Variants in ZNF544 observed in about 807,000 individuals in gnomAD.
ZNF544 encodes the protein zinc finger protein AF020591.
A neutral mutation model predicts 13.5 loss-of-function variants in ZNF544; 10 were observed. The ratio of observed to expected loss-of-function variants is 0.74; its 90% CI spans 0.46 to 1.25. The LOEUF (loss-of-function observed/expected upper bound fraction) is 1.25. Among genes scored for constraint, ZNF544 ranks in the 50% most tolerant of loss-of-function variants. The pLI, the probability that ZNF544 is intolerant of heterozygous loss-of-function variation, is 0.00. For missense variants in ZNF544, 896 were observed against 845.6 expected (o/e 1.06, Z -0.74); for synonymous variants, 323 against 300.5 (o/e 1.07, Z -0.77).
At chr19:58,274,650 T>A (rs1288033674) in intron 5 of ZNF544, among the ~76,000 whole-genome samples, 1 of 152,220 alleles carries the variant, frequency 6.6e-6, no homozygotes, top group Non-Finnish European at 1.5e-5. Flanking sequence ...ATACAACATA[T>A]TTTTTAAAAA....
chr19:58,276,419 C>A, exon 6 of ZNF544: 1 of 1,231,224 alleles, frequency 8.1e-7, no homozygotes, highest in Non-Finnish European at 1.0e-6. Flanking sequence ...CAGCAGCTGC[C>A]ACTTGCTCAG....
At chr19:58,246,656 A>G (rs542400342) in intron 5 of ZNF544, 55 bp from the exon 6 acceptor site, 5 of 1,590,714 alleles carry the variant, frequency 3.1e-6, no homozygotes, top group Non-Finnish European at 4.3e-6. Flanking sequence ...TGGACCCAGG[A>G]CATGGTTCTT....
At chr19:58,230,330 CT>C (rs1003023758) in intron 2 of ZNF544, 63 bp from the exon 3 acceptor site, 33 of 152,204 alleles carry the variant, frequency 2.2e-4, no homozygotes, top group African/African-American at 7.0e-4. Context: ...ATGTTAAGCT[CT>C]GTAAATGCAA....
At chr19:58,246,477 T>C in intron 5 of ZNF544, 50 bp downstream of exon 5, 2 of 1,606,580 alleles carry the variant, frequency 1.2e-6, no homozygotes, top group Non-Finnish European at 1.7e-6. Context: ...GACTCAAAGC[T>C]GTACCAAGTT....
chr19:58,239,549 A>G (rs1352615141), intron 3 of ZNF544, among the ~76,000 whole-genome samples: 1 of 152,160 alleles, frequency 6.6e-6, no homozygotes, highest in Non-Finnish European at 1.5e-5. Flanking sequence ...TGGACTCAGA[A>G]CTCTGAAAAG....
At chr19:58,276,857 A>C (rs980067607) in intron 6 of ZNF544, among the ~76,000 whole-genome samples, 2 of 152,258 alleles carry the variant, frequency 1.3e-5, no homozygotes, top group African/African-American at 4.8e-5. Flanking sequence ...TCCACTCTGC[A>C]AAACGGAATG....
chr19:58,231,155 G>A (rs1411727088), intron 3 of ZNF544, among the ~76,000 whole-genome samples: 1 of 152,078 alleles, frequency 6.6e-6, no homozygotes, highest in African/African-American at 2.4e-5. Context: ...AGGCCAAGAG[G>A]TGGGCCTCAG....
intron 3 of ZNF544, among the ~76,000 whole-genome samples, chr19:58,238,358 G>A (rs913318248): frequency 6.6e-6 from 1 of 152,152 alleles, no homozygotes; most frequent in African/African-American, 2.4e-5. Flanking sequence ...GTGTCCCTGC[G>A]GCTTCCTGGG....
chr19:58,252,809 T>C (rs2046501415), intron 6 of ZNF544, among the ~76,000 whole-genome samples: 1 of 152,198 alleles, frequency 6.6e-6, no homozygotes, highest in South Asian at 2.1e-4. Flanking sequence ...TAATCCTTCC[T>C]TTTTATTTAC....
chr19:58,261,714 C>G lies in ZNF544; in HGVS notation c.1108C>G (p.His370Asp), dbSNP rs2048990451. ...ATCTTTCAGCTGTTGTAAGCTCATA[C>G]ACCAGAGAACACACACTGGAGAAAA... ...GKSFSCCKLI[H>D]QRTHTGEKPF... The change falls in exon 7 of 7, where the codon CAC (histidine) becomes GAC (aspartate). Residue 370 changes from histidine to aspartate, a missense_variant. Physicochemically the swap from His to Asp is moderately conservative, Grantham distance 81. Transcript: ENST00000687789. 1 of 1,614,236 alleles carries G rather than the reference C, an allele frequency of 6.2e-7. No homozygotes were observed. The highest frequency in any genetic ancestry group is 2.2e-5 in the East Asian group (1 of 44,896).
chr19:58,263,920 C>T (rs2049486043), downstream of ZNF544: 1 of 152,056 alleles, frequency 6.6e-6, no homozygotes, highest in African/African-American at 2.4e-5. Flanking sequence ...TGGTGAAACC[C>T]TGTCTCTACT....
chr19:58,270,395 G>A (rs113102317), intron 5 of ZNF544, among the ~76,000 whole-genome samples: 1 of 149,814 alleles, frequency 6.7e-6, no homozygotes, highest in Non-Finnish European at 1.5e-5. Flanking sequence ...TCCGCCTCCC[G>A]GGTTCAAGCA....
chr19:58,266,237 G>A (rs1433664204), downstream of ZNF544, among the ~76,000 whole-genome samples: 1 of 64,348 alleles, frequency 1.6e-5, no homozygotes, highest in African/African-American at 4.7e-5. Context: ...AAAAAAAAAG[G>A]GCTGTGTGCG....
intron 6 of ZNF544, among the ~76,000 whole-genome samples, chr19:58,248,861 T>C (rs557103152): frequency 6.6e-6 from 1 of 152,244 alleles, no homozygotes; most frequent in African/African-American, 2.4e-5. Context: ...CAGAATTTTC[T>C]GGGGTTTAAA....
At chr19:58,256,612 T>C (rs531196462) in intron 6 of ZNF544, among the ~76,000 whole-genome samples, 9 of 152,324 alleles carry the variant, frequency 5.9e-5, no homozygotes, top group South Asian at 2.1e-4. Context: ...ATTAGATATA[T>C]AGGGTCTATG....
At chr19:58,246,909 T>A in intron 6 of ZNF544, 115 bp downstream of exon 6, 1 of 920,524 alleles carries the variant, frequency 1.1e-6, no homozygotes, top group Non-Finnish European at 1.7e-6. Context: ...CCTCCTTGGG[T>A]GCTCTTTGCA....
At chr19:58,249,958 A>G (rs567885496) in intron 6 of ZNF544, among the ~76,000 whole-genome samples, 1 of 152,316 alleles carries the variant, frequency 6.6e-6, no homozygotes, top group East Asian at 1.9e-4. Flanking sequence ...TAGTCCTACC[A>G]AAAGGGATGT....
chr19:58,256,048 G>C (rs1014087057), intron 6 of ZNF544, among the ~76,000 whole-genome samples: 5 of 152,236 alleles, frequency 3.3e-5, no homozygotes, highest in African/African-American at 1.2e-4. Flanking sequence ...TTTCACCAGA[G>C]AGTGGCTCCG....
At position 58,241,956 on chromosome 19, in the gene ZNF544, C is replaced by T. The variant is rs548895367; in HGVS notation, c.-59-2009C>T. On this transcript the variant is annotated intron_variant, in intron 3 of 6. Transcript: ENST00000687789. ...CTCTCTCTCTCTCTTTGTGCTTGTTCTTGGAGGACTTGAGTGCTTGATTTG... is the reference window on the plus strand; with the variant it reads ...CTCTCTCTCTCTCTTTGTGCTTGTTTTTGGAGGACTTGAGTGCTTGATTTG... Among the ~76,000 whole-genome samples, 11 of 146,982 alleles carry T rather than the reference C, an allele frequency of 7.5e-5. No homozygotes were observed. The South Asian group carries it at 2.4e-3, about 32-fold the overall frequency.
Sources: allele counts gnomAD v4.1 joint callset (sites outside exome capture counted in the v4.1 genomes callset), GRCh38; gene constraint gnomAD v4.1.1; transcripts MANE v1.5; gene names NCBI Gene and HGNC (gene_info 2026-07-23, HGNC 2026-07-21).